TM9SF2: variants seen among roughly 807,000 people sequenced by gnomAD.
TM9SF2 encodes the protein 76 kDa membrane protein.
TM9SF2 carries 13 observed loss-of-function variants against 84.9 expected under a neutral mutation model. The observed-to-expected ratio is 0.15, with a 90% CI of 0.10 to 0.24. The LOEUF is 0.24. Ranked by LOEUF, TM9SF2 falls within the 10% of genes least tolerant of loss-of-function variation. The pLI is 1.00. For missense variants in TM9SF2, 562 were observed against 818.5 expected, an observed-to-expected ratio of 0.69 and a Z score of 3.82; for synonymous variants, 273 against 285.8, an observed-to-expected ratio of 0.96 and a Z score of 0.45.
At chr13:99,524,223 G>T (rs1354235926) in intron 3 of TM9SF2, among the ~76,000 whole-genome samples, 1 of 152,182 alleles carries the variant, frequency 6.6e-6, no homozygotes, top group African/African-American at 2.4e-5. Context: ...GACCGTGGGG[G>T]TGCGAGGGGA....
chr13:99,533,983 T>G (rs563409110), intron 4 of TM9SF2, among the ~76,000 whole-genome samples: 1 of 152,182 alleles, frequency 6.6e-6, no homozygotes. Context: ...TTTTTATTCT[T>G]ATTTGGGGCT....
At chr13:99,536,410 A>G (rs955556216) in intron 4 of TM9SF2, among the ~76,000 whole-genome samples, 198 bp from the exon 5 acceptor site, 2 of 151,610 alleles carry the variant, frequency 1.3e-5, no homozygotes. Context: ...AGTTTTTTCC[A>G]TCACTGCAGT....
At position 99,501,893 on chromosome 13, in the gene TM9SF2, TGA is replaced by T. The variant is rs1050815763; in HGVS notation, c.171+118_171+119del. On this transcript the variant is annotated intron_variant, in intron 1 of 16. Transcript: ENST00000376387. ...AAGGGGGCGTAGCAGCGGGTGGGGT[TGA>T]GTTTCCCCAGAAGCTTTTGGGGTCT... is the stretch of plus-strand genomic sequence containing the variant. The T allele has an allele frequency of 2.8e-6, 4 of 1,413,496 alleles. No homozygotes were observed. The African/African-American group carries it at 4.4e-5, about 16-fold the overall frequency. 87.6% of individuals were successfully genotyped at this position (1,413,496 alleles called of 1,614,324 possible). A position where few individuals can be genotyped will look rare whatever the true frequency, so the allele number is the denominator to read the frequency against.
rs530948273 is a variant in TM9SF2 at position 99,508,032 on chromosome 13, C to T, written c.171+6255C>T. 9.9e-5 allele frequency among the ~76,000 whole-genome samples: 15 copies of T among 152,170 alleles called. No individual in the cohort carries two copies. In the East Asian group the frequency reaches 2.5e-3, roughly 25 times the overall value. ...CAGGTATGGAACTGGCAGATTAGGA[C>T]TAGAAATAAAATTGTACATTTAGGA... On this transcript the variant is annotated intron_variant, in intron 1 of 16. Transcript: ENST00000376387.
intron 7 of TM9SF2, among the ~76,000 whole-genome samples, chr13:99,540,072 T>C (rs531188610): frequency 6.6e-6 from 1 of 152,336 alleles, no homozygotes; most frequent in South Asian, 2.1e-4. Context: ...TTATGAACTT[T>C]AAATGAAGAG....
intron 3 of TM9SF2, among the ~76,000 whole-genome samples, chr13:99,526,649 C>T (rs1044862274): frequency 2.0e-5 from 3 of 151,952 alleles, no homozygotes; most frequent in South Asian, 2.1e-4. Flanking sequence ...GGGTGGAATG[C>T]GACCAGAGGA....
intron 3 of TM9SF2, among the ~76,000 whole-genome samples, chr13:99,525,909 A>G (rs146733319): frequency 6.6e-6 from 1 of 152,278 alleles, no homozygotes; most frequent in Non-Finnish European, 1.5e-5. Context: ...GAGTGTGATC[A>G]GTAGATACGG....
chr13:99,525,235 C>CTGTT (rs35767318), intron 3 of TM9SF2, among the ~76,000 whole-genome samples: 25,405 of 151,624 alleles, frequency 0.17, 2,309 homozygotes, highest in Non-Finnish European at 0.21. Flanking sequence ...TCAAAGAGGA[C>CTGTT]TGTTTGTTTG....
At chr13:99,519,365 G>T (rs899653357) in intron 2 of TM9SF2, among the ~76,000 whole-genome samples, 4 of 150,320 alleles carry the variant, frequency 2.7e-5, no homozygotes, top group Non-Finnish European at 5.9e-5. Flanking sequence ...TACTATTACT[G>T]TACTGATCTC....
chr13:99,537,209 A>G (rs1373084597), intron 5 of TM9SF2, among the ~76,000 whole-genome samples: 1 of 152,184 alleles, frequency 6.6e-6, no homozygotes, highest in Non-Finnish European at 1.5e-5. Context: ...AGGTGGGGAT[A>G]TATATTAAAA....
intron 3 of TM9SF2, among the ~76,000 whole-genome samples, chr13:99,523,950 A>G (rs2046171108): frequency 6.6e-6 from 1 of 152,180 alleles, no homozygotes; most frequent in South Asian, 2.1e-4. Flanking sequence ...GACCTGAAGC[A>G]AGTAAGGGAG....
At chr13:99,536,885 G>C in intron 5 of TM9SF2, 148 bp downstream of exon 5, 1 of 824,620 alleles carries the variant, frequency 1.2e-6, no homozygotes, top group Non-Finnish European at 1.8e-6. Context: ...TAAACTTACA[G>C]CAGATTAATA....
intron 10 of TM9SF2, among the ~76,000 whole-genome samples, chr13:99,544,397 T>A (rs1288004824): frequency 6.6e-6 from 1 of 152,096 alleles, no homozygotes; most frequent in Admixed American, 6.5e-5. Context: ...TAAGCCAGAT[T>A]ATTTCTGAGC....
intron 16 of TM9SF2, among the ~76,000 whole-genome samples, chr13:99,561,668 G>A (rs2046345563): frequency 6.6e-6 from 1 of 152,150 alleles, no homozygotes; most frequent in African/African-American, 2.4e-5. Context: ...CCCATGTATA[G>A]TCTCTTGATT....
chr13:99,534,459 C>A (rs968393058), intron 4 of TM9SF2, among the ~76,000 whole-genome samples: 1 of 152,098 alleles, frequency 6.6e-6, no homozygotes, highest in Non-Finnish European at 1.5e-5. Context: ...TGTTTTCACT[C>A]TATTAAATCT....
At chr13:99,547,291 T>A (rs1222299662) in intron 11 of TM9SF2, among the ~76,000 whole-genome samples, 187 bp downstream of exon 11, 2 of 152,230 alleles carry the variant, frequency 1.3e-5, no homozygotes, top group East Asian at 3.8e-4. Flanking sequence ...AATTTATTTG[T>A]TCGAAAATGT....
intron 1 of TM9SF2, among the ~76,000 whole-genome samples, chr13:99,503,790 G>A (rs1025988658): frequency 3.9e-5 from 6 of 151,940 alleles, no homozygotes; most frequent in Non-Finnish European, 8.8e-5. Context: ...ACTTATAGGT[G>A]GTCTTCCAGT....
intron 12 of TM9SF2, among the ~76,000 whole-genome samples, chr13:99,550,057 G>A (rs1036251328): frequency 6.6e-6 from 1 of 151,988 alleles, no homozygotes; most frequent in Non-Finnish European, 1.5e-5. Flanking sequence ...GAAGGTGTCC[G>A]TCCTTACCAA....
At chr13:99,516,297 G>A (rs1201882743) in intron 1 of TM9SF2, among the ~76,000 whole-genome samples, 2 of 152,232 alleles carry the variant, frequency 1.3e-5, no homozygotes, top group African/African-American at 2.4e-5. Flanking sequence ...ATGTTAGCAA[G>A]TGTAGAGGAC....
Sources: allele counts gnomAD v4.1 joint callset (sites outside exome capture counted in the v4.1 genomes callset), GRCh38; gene constraint gnomAD v4.1.1; transcripts MANE v1.5; gene names NCBI Gene and HGNC (gene_info 2026-07-23, HGNC 2026-07-21).